ABRAXAS1: variants seen among roughly 807,000 people sequenced by gnomAD.
The protein encoded by ABRAXAS1 is abraxas 1, BRCA1 A complex subunit, also known as BRCA1-A complex subunit Abraxas 1.
ABRAXAS1 carries 26 observed loss-of-function variants against 38.4 expected under a neutral mutation model. The observed-to-expected ratio is 0.68, with a 90% CI of 0.50 to 0.94. The LOEUF is 0.94. Among genes scored for constraint, ABRAXAS1 ranks in the 40% least tolerant of loss-of-function variants. ABRAXAS1 has a pLI of 0.00. For synonymous variants in ABRAXAS1, 144 were observed against 165.5 expected, an observed-to-expected ratio of 0.87 and a Z score of 1.00; for missense variants, 438 against 481.9, an observed-to-expected ratio of 0.91 and a Z score of 0.85.
intron 2 of ABRAXAS1, 59 bp from the exon 3 acceptor site, chr4:83,476,738 G>T: frequency 1.8e-6 from 2 of 1,105,434 alleles, no homozygotes; most frequent in Non-Finnish European, 2.7e-6. Context: ...TCACCTGAAT[G>T]CTGCATATTG....
Position 83,461,606 on chromosome 4 carries a change from T to A in ABRAXAS1, c.*863A>T. On this transcript the variant is annotated 3_prime_UTR_variant, in exon 9 of 9. Coordinates refer to ENST00000321945, the MANE Select transcript of ABRAXAS1 (RefSeq NM_139076.3). ...GAAGGACAAAATATTCCTAGACGAGTCTACCCTCAAACCAGTAGTGTCTTT... is the reference window on the plus strand; with the variant it reads ...GAAGGACAAAATATTCCTAGACGAGACTACCCTCAAACCAGTAGTGTCTTT... 1 of 297,942 alleles carries A rather than the reference T, an allele frequency of 3.4e-6. No homozygotes were observed. The highest frequency in any genetic ancestry group is 6.4e-6 in the Non-Finnish European group (1 of 155,710). The allele number at this position is 297,942 out of a possible 1,614,324, so 18.5% of individuals were successfully genotyped here. A position where few individuals can be genotyped will look rare whatever the true frequency, so the allele number is the denominator to read the frequency against.
rs573028441 is a variant in ABRAXAS1, at chr4:83,469,319, T to G, written c.477-168A>C. The G allele has an allele frequency of 5.2e-5, 28 of 541,912 alleles. No individual in the cohort carries two copies. In the East Asian group the frequency reaches 9.0e-4, roughly 17 times the overall value. The allele number at this position is 541,912 out of a possible 1,614,324, so 33.6% of individuals were successfully genotyped here. A position where few individuals can be genotyped will look rare whatever the true frequency, so the allele number is the denominator to read the frequency against. ...AATTTACTGACTTGAAACAACTGTT[T>G]TTTTTTTTTTTTGAGACAGGGTCTC... On this transcript the variant is annotated intron_variant, in intron 5 of 8. Transcript: ENST00000321945.
intron 2 of ABRAXAS1, among the ~76,000 whole-genome samples, chr4:83,480,989 G>A (rs1258810240): frequency 2.0e-5 from 3 of 151,958 alleles, no homozygotes; most frequent in South Asian, 2.1e-4. Flanking sequence ...AAAGTTAGCC[G>A]GGCGTGGCAG....
At chr4:83,481,327 AT>A (rs1227614227) in intron 2 of ABRAXAS1, among the ~76,000 whole-genome samples, 2 of 151,952 alleles carry the variant, frequency 1.3e-5, no homozygotes, top group Non-Finnish European at 2.9e-5. Flanking sequence ...TCTTTTAACC[AT>A]TTTTTTCCCT....
intron 3 of ABRAXAS1, among the ~76,000 whole-genome samples, chr4:83,472,675 C>G (rs956718263): frequency 3.9e-5 from 6 of 151,992 alleles, no homozygotes; most frequent in Non-Finnish European, 5.9e-5. Flanking sequence ...GAATGTATAA[C>G]CAGTAATGAA....
intron 1 of ABRAXAS1, among the ~76,000 whole-genome samples, chr4:83,484,535 T>C (rs1723108380): frequency 6.6e-6 from 1 of 152,232 alleles, no homozygotes. Context: ...TCCCTTACCA[T>C]CCTACCATCG....
At chr4:83,480,455 TA>T in intron 2 of ABRAXAS1, 1 of 279,716 alleles carries the variant, frequency 3.6e-6, no homozygotes, top group South Asian at 2.8e-5. Context: ...TGCAAGCTAG[TA>T]AGAATCCATG....
intron 8 of ABRAXAS1, among the ~76,000 whole-genome samples, chr4:83,463,275 C>CA (rs947123468): frequency 2.6e-4 from 40 of 151,586 alleles, no homozygotes; most frequent in African/African-American, 9.4e-4. Context: ...ATTAAAAATA[C>CA]AAAAAAAATT....
Position 83,471,464 on chromosome 4 carries a change from T to C in ABRAXAS1, c.282+758A>G, listed in dbSNP as rs372116527. ...ACCTCGTGATCCGCCCTCCGCAGCCTACCAAAGTACTGGGATTAAAGGCAT... is the reference window on the plus strand; with the variant it reads ...ACCTCGTGATCCGCCCTCCGCAGCCCACCAAAGTACTGGGATTAAAGGCAT... On this transcript the variant is annotated intron_variant, in intron 4 of 8. Transcript: ENST00000321945. Among the ~76,000 whole-genome samples the C allele has an allele frequency of 2.2e-4, 33 of 152,086 alleles. 1 individual carries two copies. In the East Asian group the frequency reaches 5.8e-3, roughly 27 times the overall value.
chr4:83,482,351 G>T (rs1578136809), intron 1 of ABRAXAS1, 107 bp from the exon 2 acceptor site: 1 of 577,272 alleles, frequency 1.7e-6, no homozygotes, highest in East Asian at 3.0e-5. Context: ...TGTGCTACCA[G>T]TCGGGGGCAC....
chr4:83,478,564 A>G, intron 2 of ABRAXAS1: 1 of 270,596 alleles, frequency 3.7e-6, no homozygotes, highest in Non-Finnish European at 7.6e-6. Context: ...GAAGAACAGT[A>G]GGATGTTGGT....
intron 2 of ABRAXAS1, chr4:83,479,269 G>A (rs577237991): frequency 2.0e-5 from 3 of 152,196 alleles, no homozygotes; most frequent in East Asian, 3.9e-4. Flanking sequence ...TGGGTGTGGT[G>A]GCAGTCGCCG....
intron 3 of ABRAXAS1, among the ~76,000 whole-genome samples, chr4:83,473,051 G>T (rs1722641267): frequency 1.3e-5 from 2 of 152,152 alleles, no homozygotes; most frequent in South Asian, 4.1e-4. Flanking sequence ...GGCTGAGGGG[G>T]GTGGATGGCT....
chr4:83,471,612 A>G (rs1416690669), intron 4 of ABRAXAS1, among the ~76,000 whole-genome samples: 2 of 152,194 alleles, frequency 1.3e-5, no homozygotes, highest in African/African-American at 4.8e-5. Flanking sequence ...ATCCATTTTG[A>G]TCATTCAACA....
At chr4:83,474,524 C>T (rs1057295019) in intron 3 of ABRAXAS1, among the ~76,000 whole-genome samples, 2 of 151,960 alleles carry the variant, frequency 1.3e-5, no homozygotes, top group Non-Finnish European at 2.9e-5. Context: ...CCATCCTGGC[C>T]AACATGGTGA....
Position 83,461,089 on chromosome 4 carries a change from T to A in ABRAXAS1, c.*1380A>T, listed in dbSNP as rs1560569116. On this transcript the variant is annotated 3_prime_UTR_variant, in exon 9 of 9. Transcript: ENST00000321945. The stretch of plus-strand genomic sequence containing the variant: ...GCTAGCTGAAATTTTGCTCATTATG[T>A]TTTGTCAAGAACTTTAATTATCTCT... 1 of 1,613,050 alleles carries A rather than the reference T, an allele frequency of 6.2e-7. No homozygotes were observed. Among genetic ancestry groups the A allele is most frequent in the East Asian group, 2.2e-5 (1 of 44,814 alleles).
At position 83,461,159 on chromosome 4, in the gene ABRAXAS1, A is replaced by T; in HGVS notation, c.*1310T>A. ...TACATACAAGGATCCTGCATATCTC[A>T]AGGACCCTAAAGTTTGTAACATCAG... On this transcript the variant is annotated 3_prime_UTR_variant, in exon 9 of 9. Transcript: ENST00000321945. 5.6e-6 allele frequency: 9 copies of T among 1,610,954 alleles called. No individual in the cohort carries two copies. The highest frequency in any genetic ancestry group is 7.6e-6 in the Non-Finnish European group (9 of 1,177,972).
chr4:83,462,714 G>A lies in ABRAXAS1; in HGVS notation c.985C>T (p.His329Tyr), dbSNP rs1248645578. The A allele has an allele frequency of 5.0e-6, 8 of 1,613,628 alleles. No homozygotes were observed. Among genetic ancestry groups the A allele is most frequent in the Admixed American group, 1.7e-5 (1 of 60,006 alleles). ...GGACTAGCTTCAGGAATGTCAGTGT[G>A]TTCTACCATTAAGGTCAGATTGTCT... Reference protein sequence around the residue: ...VVDNLTLMVEHTDIPEASPAS... With the variant: ...VVDNLTLMVEYTDIPEASPAS... The change falls in exon 9 of 9, where the codon CAC becomes TAC. Residue 329 changes from histidine to tyrosine, a missense_variant. By Grantham distance (83) the His-to-Tyr change is moderately conservative (BLOSUM62 2). Transcript: ENST00000321945.
Position 83,462,730 on chromosome 4 carries a change from C to A in ABRAXAS1, c.969G>T (p.Leu323=). The A allele has an allele frequency of 6.2e-7, 1 of 1,613,796 alleles. No homozygotes were observed. Among genetic ancestry groups the A allele is most frequent in the South Asian group, 1.1e-5 (1 of 91,038 alleles). The change falls in exon 9 of 9, where the codon CTG becomes CTT. Residue 323 remains leucine (L), a synonymous_variant. Coordinates refer to ENST00000321945, the MANE Select transcript of ABRAXAS1 (RefSeq NM_139076.3). ...TGTCAGTGTGTTCTACCATTAAGGT[C>A]AGATTGTCTACTACATCGAGATGGT... ...YNHHLDVVDN[L]TLMVEHTDIP...
Sources: gnomAD v4.1 joint callset for allele counts (sites outside exome capture counted in the v4.1 genomes callset) on GRCh38, gnomAD v4.1.1 for gene constraint, MANE v1.5 for transcripts, NCBI Gene and HGNC (gene_info 2026-07-23, HGNC 2026-07-21) for gene names.